Variants in ERFE observed in about 807,000 individuals in gnomAD.
The protein encoded by ERFE is complement C1q tumor necrosis factor-related protein 15.
In ERFE, 25 loss-of-function variants were observed where a neutral mutation model predicts 26.6. That is an observed-to-expected ratio of 0.94 (90% confidence interval 0.69 to 1.31). The LOEUF (loss-of-function observed/expected upper bound fraction) is 1.31. Among genes scored for constraint, ERFE ranks in the 40% most tolerant of loss-of-function variants. The pLI, the probability that ERFE is intolerant of heterozygous loss-of-function variation, is 0.00. For missense variants in ERFE, 447 were observed against 440.2 expected (o/e 1.02, Z -0.14); for synonymous variants, 206 against 204.5 (o/e 1.01, Z -0.06).
Position 238,168,109 on chromosome 2 carries a change from AG to A in ERFE, c.*1056del. 1 of 227,168 alleles carries A rather than the reference AG, an allele frequency of 4.4e-6. No homozygotes were observed. 14.1% of individuals were successfully genotyped at this position (227,168 alleles called of 1,614,324 possible). A position where few individuals can be genotyped will look rare whatever the true frequency, so the allele number is the denominator to read the frequency against. ...AGGTGGTGGACGAGAGATGGTCCCGAGAAAGGGTGGTCTTGGGAGGGCTGGT... is the reference window on the plus strand; with the variant it reads ...AGGTGGTGGACGAGAGATGGTCCCGAAAAGGGTGGTCTTGGGAGGGCTGGT... On this transcript the variant is annotated 3_prime_UTR_variant, in exon 8 of 8. Transcript: ENST00000546354.
chr2:238,165,262 C>G (rs950063758), intron 6 of ERFE, among the ~76,000 whole-genome samples: 4 of 152,234 alleles, frequency 2.6e-5, no homozygotes, highest in African/African-American at 9.6e-5. Flanking sequence ...CTTAGTCTGC[C>G]TTTGAACCCC....
In ERFE at chr2:238,167,492, G is replaced by A. The variant is rs529705063; in HGVS notation, c.*438G>A. On this transcript the variant is annotated 3_prime_UTR_variant, in exon 8 of 8. Transcript: ENST00000546354. ...CCTACCTGGGAGAGGGTCAGCTGAC[G>A]CAGGGCTGAGGGGGCTGCCACAGGG... is the stretch of plus-strand genomic sequence containing the variant. The A allele has an allele frequency of 1.6e-3, 761 of 465,910 alleles. 2 individuals carry two copies. Among genetic ancestry groups the A allele is most frequent in the Middle Eastern group, 2.6e-3 (8 of 3,124 alleles). 28.9% of individuals were successfully genotyped at this position (465,910 alleles called of 1,614,324 possible).
chr2:238,166,321 G>T (rs369440545), intron 7 of ERFE, among the ~76,000 whole-genome samples: 1 of 152,258 alleles, frequency 6.6e-6, no homozygotes, highest in Non-Finnish European at 1.5e-5. Context: ...AGCCAGAAAT[G>T]GAGGCCAGGC....
rs753134244 is a variant in ERFE, at chr2:238,162,876, T to A, written c.424+38T>A. 3.2e-5 allele frequency: 47 copies of A among 1,488,566 alleles called. 1 individual carries two copies. The South Asian group carries it at 5.4e-4, about 17-fold the overall frequency. The allele number at this position is 1,488,566 out of a possible 1,614,324, so 92.2% of individuals were successfully genotyped here. A position where few individuals can be genotyped will look rare whatever the true frequency, so the allele number is the denominator to read the frequency against. On this transcript the variant is annotated intron_variant, in intron 3 of 7. Coordinates refer to ENST00000546354, the MANE Select transcript of ERFE (RefSeq NM_001291832.2). The stretch of plus-strand genomic sequence containing the variant: ...ACCGGCTGGGACACACACACCCCGC[T>A]GTGAGCAGGGCCTGGGAGGGTGTCC...
Position 238,163,742 on chromosome 2 carries a change from G to T in ERFE, c.430G>T (p.Val144Leu). The T allele has an allele frequency of 3.0e-6, 4 of 1,342,794 alleles. No homozygotes were observed. The South Asian group carries it at 7.6e-5, about 26-fold the overall frequency. 83.2% of individuals were successfully genotyped at this position (1,342,794 alleles called of 1,614,324 possible). Residue 144 changes from valine to leucine, a missense_variant, in exon 4 of 8, where the codon GTG (valine) becomes TTG (leucine). Val to Leu is a conservative substitution (Grantham distance 32). Coordinates refer to ENST00000546354, the MANE Select transcript of ERFE (RefSeq NM_001291832.2). The stretch of plus-strand genomic sequence containing the variant: ...CACCGCTCGCTCTGTGCCAGGTGCG[G>T]TGCGGCAGCGGGAGCGCGCGGAGCC... ...KEFQLLLKGA[V>L]RQRERAEPEP...
intron 1 of ERFE, among the ~76,000 whole-genome samples, chr2:238,160,896 C>A (rs1181034584): frequency 6.6e-6 from 1 of 152,196 alleles, no homozygotes; most frequent in East Asian, 1.9e-4. Flanking sequence ...AAGGTCCCTC[C>A]CAAAACTGTG....
Position 238,162,777 on chromosome 2 carries a change from C to G in ERFE, c.363C>G (p.Gly121=). 6.5e-7 allele frequency: 1 copy of G among 1,549,614 alleles called. No individual in the cohort carries two copies. Among genetic ancestry groups the G allele is most frequent in the Non-Finnish European group, 8.7e-7 (1 of 1,146,216 alleles). ...PGPPGPPGPQ[G]PPGPIIPPEA... ...CCCCTGGGCCTCCCGGTCCCCAGGG[C>G]CCCCCAGGCCCCATCATCCCACCCG... Residue 121 remains glycine (G), a synonymous_variant, in exon 3 of 8, where the codon GGC becomes GGG. Coordinates refer to ENST00000546354, the MANE Select transcript of ERFE (RefSeq NM_001291832.2).
intron 2 of ERFE, among the ~76,000 whole-genome samples, chr2:238,162,044 G>A (rs1217516472): frequency 1.3e-5 from 2 of 152,236 alleles, no homozygotes; most frequent in African/African-American, 2.4e-5. Flanking sequence ...GGCTCCCAGG[G>A]ACTAGGGGCA....
Position 238,164,279 on chromosome 2 carries a change from A to G in ERFE, c.806A>G (p.Glu269Gly), listed in dbSNP as rs755749539. The G allele has an allele frequency of 1.3e-6, 2 of 1,499,006 alleles. No homozygotes were observed. The highest frequency in any genetic ancestry group is 8.8e-7 in the Non-Finnish European group (1 of 1,130,856). 92.9% of individuals were successfully genotyped at this position (1,499,006 alleles called of 1,614,324 possible). The change falls in exon 6 of 8, where the codon GAG becomes GGG. Residue 269 changes from glutamate (E) to glycine (G), a missense_variant. By Grantham distance (98) the Glu-to-Gly change is moderately conservative (BLOSUM62 -2). Coordinates refer to ENST00000546354, the MANE Select transcript of ERFE (RefSeq NM_001291832.2). The stretch of plus-strand genomic sequence containing the variant: ...CCACCCTCCCCCGCAGCGCTCGGGG[A>G]GCCGCCGAGGAGGGGGCCGCCGCGC... ...LAATLHVALGEPPRRGPPRPR... is the reference protein window; with the variant it reads ...LAATLHVALGGPPRRGPPRPR...
chr2:238,164,518 C>A, intron 6 of ERFE, 158 bp downstream of exon 6: 1 of 678,140 alleles, frequency 1.5e-6, no homozygotes, highest in South Asian at 1.8e-5. Flanking sequence ...TCTACTTCTG[C>A]CCCTATCAGG....
chr2:238,161,040 C>T (rs1032689574), intron 1 of ERFE, among the ~76,000 whole-genome samples: 3 of 152,246 alleles, frequency 2.0e-5, no homozygotes, highest in Non-Finnish European at 2.9e-5. Context: ...GTCATGACAG[C>T]TCGCCTGGTC....
chr2:238,168,527 C>G lies in ERFE; in HGVS notation c.*1473C>G. 1 of 453,258 alleles carries G rather than the reference C, an allele frequency of 2.2e-6. No individual in the cohort carries two copies. The highest frequency in any genetic ancestry group is 1.6e-5 in the South Asian group (1 of 62,480). The allele number at this position is 453,258 out of a possible 1,614,324, so 28.1% of individuals were successfully genotyped here. On this transcript the variant is annotated 3_prime_UTR_variant, in exon 8 of 8. Coordinates refer to ENST00000546354, the MANE Select transcript of ERFE (RefSeq NM_001291832.2). The stretch of plus-strand genomic sequence containing the variant: ...GGCTGCCACCAGGCCCGAATGATCC[C>G]CAGGAGCCCAGCTTCCAAACCCCAA...
intron 3 of ERFE, among the ~76,000 whole-genome samples, chr2:238,163,222 C>T (rs1212674459): frequency 1.3e-5 from 2 of 152,206 alleles, no homozygotes; most frequent in Non-Finnish European, 2.9e-5. Flanking sequence ...CTCAGCCTGG[C>T]ACCCACAGTC....
intron 2 of ERFE, among the ~76,000 whole-genome samples, chr2:238,162,104 A>G (rs1255902003): frequency 6.6e-6 from 1 of 152,130 alleles, no homozygotes; most frequent in African/African-American, 2.4e-5. Context: ...CTGGGCAGAA[A>G]CTTGGTGCTT....
At chr2:238,163,251 G>A (rs1307819499) in intron 3 of ERFE, among the ~76,000 whole-genome samples, 1 of 152,244 alleles carries the variant, frequency 6.6e-6, no homozygotes, top group East Asian at 1.9e-4. Flanking sequence ...CCAGGGCTGG[G>A]GCAGCCTGCC....
chr2:238,159,454 C>T (rs979531795), intron 1 of ERFE, among the ~76,000 whole-genome samples: 2 of 151,950 alleles, frequency 1.3e-5, no homozygotes, highest in East Asian at 3.9e-4. Context: ...TCGGCGAAAC[C>T]CCCCTTTTCT....
chr2:238,162,569 T>C (rs1199809903), intron 2 of ERFE, among the ~76,000 whole-genome samples, 167 bp from the exon 3 acceptor site: 1 of 152,234 alleles, frequency 6.6e-6, no homozygotes, highest in African/African-American at 2.4e-5. Context: ...AGCACAGTCC[T>C]TGTACTCACT....
In ERFE at chr2:238,165,588, CCT is replaced by C. The variant is rs1050206988; in HGVS notation, c.888-15_888-14del. 6.5e-7 allele frequency: 1 copy of C among 1,539,560 alleles called. No individual in the cohort carries two copies. Among genetic ancestry groups the C allele is most frequent in the South Asian group, 1.2e-5 (1 of 83,808 alleles). The stretch of plus-strand genomic sequence containing the variant: ...GGTCTCATGGGGCAGGCTGACCCTC[CCT>C]CTGTTTTGGGTACAGCTCCCTGGAG... On this transcript the variant is annotated splice_polypyrimidine_tract_variant and intron_variant, in intron 6 of 7. Coordinates refer to ENST00000546354, the MANE Select transcript of ERFE (RefSeq NM_001291832.2).
chr2:238,165,670 G>A lies in ERFE; in HGVS notation c.952G>A (p.Val318Ile), dbSNP rs142757561. 3.4e-3 allele frequency: 5,313 copies of A among 1,549,340 alleles called. 163 individuals carry two copies. The highest frequency in any genetic ancestry group is 5.9e-3 in the East Asian group (243 of 40,856). ...GCTCTTCACCATCTCTGTGAATGGC[G>A]TCCTGTACCTGCAGGTGAGTGCGGC... ...SELFTISVNGVLYLQMGQWTS... is the reference protein window; with the variant it reads ...SELFTISVNGILYLQMGQWTS... The change falls in exon 7 of 8, where the codon GTC becomes ATC. Residue 318 changes from valine to isoleucine, a missense_variant. Transcript: ENST00000546354.
Sources: gnomAD v4.1 joint callset for allele counts (sites outside exome capture counted in the v4.1 genomes callset) on GRCh38, gnomAD v4.1.1 for gene constraint, MANE v1.5 for transcripts, NCBI Gene and HGNC (gene_info 2026-07-23, HGNC 2026-07-21) for gene names.